GALNT13: variants seen among roughly 807,000 people sequenced by gnomAD.
GALNT13 encodes polypeptide N-acetylgalactosaminyltransferase 13, also known as UDP-GalNAc:polypeptide N-acetylgalactosaminyltransferase 13.
Under a neutral mutation model 64.2 loss-of-function variants are expected in GALNT13, and 28 were observed. The observed-to-expected ratio is 0.44, with a 90% CI of 0.32 to 0.60. The LOEUF (loss-of-function observed/expected upper bound fraction) is 0.60. Ranked by LOEUF, GALNT13 falls within the 20% of genes least tolerant of loss-of-function variation. The probability of loss-of-function intolerance (pLI) is 0.05; values close to 1 mark genes in which losing one functional copy is unlikely to be tolerated. For synonymous variants in GALNT13, 214 were observed against 224.6 expected (o/e 0.95, Z 0.42); for missense variants, 577 against 669.8 (o/e 0.86, Z 1.53).
chr2:153,176,234 C>G, the GALNT13 span, among the ~76,000 whole-genome samples: 1 of 152,170 alleles, frequency 6.6e-6, no homozygotes, highest in African/African-American at 2.4e-5. Flanking sequence ...AGCCCCAACA[C>G]AGCTAAATTG....
chr2:153,766,337 A>G, the GALNT13 span, among the ~76,000 whole-genome samples: 1 of 151,900 alleles, frequency 6.6e-6, no homozygotes, highest in African/African-American at 2.4e-5. Context: ...GTCCCATGGC[A>G]ATCTCTTCTT....
the GALNT13 span, among the ~76,000 whole-genome samples, chr2:153,722,382 A>G: frequency 7.2e-6 from 1 of 138,932 alleles, no homozygotes; most frequent in Non-Finnish European, 1.5e-5. Context: ...ACACCCTAAC[A>G]TCACAATTAA....
chr2:153,903,703 A>G (rs1372483721), intron 2 of GALNT13, among the ~76,000 whole-genome samples: 1 of 142,968 alleles, frequency 7.0e-6, no homozygotes, highest in African/African-American at 2.4e-5. Flanking sequence ...AATAAAAGTT[A>G]TGTTTATTAA....
chr2:153,735,176 C>G, the GALNT13 span, among the ~76,000 whole-genome samples: 1 of 152,024 alleles, frequency 6.6e-6, no homozygotes, highest in African/African-American at 2.4e-5. Flanking sequence ...TGGGCATGCT[C>G]TACCTGATTT....
chr2:153,154,846 T>G, the GALNT13 span, among the ~76,000 whole-genome samples: 1 of 152,210 alleles, frequency 6.6e-6, no homozygotes, highest in African/African-American at 2.4e-5. Context: ...CCATTCAGTA[T>G]GATGTTGGTT....
At chr2:153,472,056 C>T in the GALNT13 span, among the ~76,000 whole-genome samples, 2 of 152,142 alleles carry the variant, frequency 1.3e-5, no homozygotes, top group Admixed American at 1.3e-4. Context: ...ATATGAACTA[C>T]ATGATCCTGC....
chr2:153,772,636 G>A, the GALNT13 span, among the ~76,000 whole-genome samples: 1 of 152,296 alleles, frequency 6.6e-6, no homozygotes, highest in African/African-American at 2.4e-5. Flanking sequence ...CATGCTAAAA[G>A]CCTCTAGTAC....
At chr2:153,377,940 G>C in the GALNT13 span, among the ~76,000 whole-genome samples, 1 of 152,148 alleles carries the variant, frequency 6.6e-6, no homozygotes, top group East Asian at 1.9e-4. Context: ...TTCAATACTA[G>C]ATTGGACTGT....
chr2:153,150,994 A>G, the GALNT13 span, among the ~76,000 whole-genome samples: 1 of 151,944 alleles, frequency 6.6e-6, no homozygotes, highest in Non-Finnish European at 1.5e-5. Context: ...GTTTTTTCCA[A>G]TTCTGTGAAG....
chr2:153,831,881 C>G, the GALNT13 span, among the ~76,000 whole-genome samples: 1 of 152,054 alleles, frequency 6.6e-6, no homozygotes, highest in Admixed American at 6.5e-5. Context: ...AGTTCTTGTT[C>G]TATACTCGTG....
the GALNT13 span, among the ~76,000 whole-genome samples, chr2:153,144,474 G>A: frequency 2.6e-5 from 4 of 151,880 alleles, no homozygotes; most frequent in African/African-American, 4.8e-5. Flanking sequence ...TTGTCATTAG[G>A]TAAGTGGCTC....
chr2:153,385,921 G>T, the GALNT13 span, among the ~76,000 whole-genome samples: 2 of 151,832 alleles, frequency 1.3e-5, no homozygotes, highest in Non-Finnish European at 1.5e-5. Context: ...TAGGTAAATT[G>T]TATCCTGTCA....
At chr2:154,346,621 TTG>T (rs1696084663) in intron 9 of GALNT13, among the ~76,000 whole-genome samples, 1 of 152,164 alleles carries the variant, frequency 6.6e-6, no homozygotes, top group Non-Finnish European at 1.5e-5. Context: ...TCTGCCATGA[TTG>T]TGAGTCCTCC....
At chr2:154,326,627 G>A (rs1220027449) in intron 9 of GALNT13, among the ~76,000 whole-genome samples, 1 of 151,788 alleles carries the variant, frequency 6.6e-6, no homozygotes. Flanking sequence ...CCGTTCCTTT[G>A]GAAAAAAATG....
At chr2:154,442,966 T>G (rs1300080545) in intron 12 of GALNT13, among the ~76,000 whole-genome samples, 1 of 152,098 alleles carries the variant, frequency 6.6e-6, no homozygotes, top group African/African-American at 2.4e-5. Flanking sequence ...TATAAGGAAT[T>G]TTTTTCCATA....
the GALNT13 span, among the ~76,000 whole-genome samples, chr2:153,809,621 T>G: frequency 6.6e-6 from 1 of 152,216 alleles, no homozygotes; most frequent in African/African-American, 2.4e-5. Flanking sequence ...GAAATGTGAT[T>G]GGTTAGGTCC....
the GALNT13 span, among the ~76,000 whole-genome samples, chr2:153,825,190 G>A: frequency 1.3e-5 from 2 of 152,208 alleles, no homozygotes; most frequent in Non-Finnish European, 2.9e-5. Context: ...ACTCACATCA[G>A]TGGGTTGAAG....
the GALNT13 span, among the ~76,000 whole-genome samples, chr2:153,671,774 A>T: frequency 6.6e-6 from 1 of 152,182 alleles, no homozygotes; most frequent in East Asian, 1.9e-4. Context: ...ATAAAGAGTC[A>T]AGACCCGTTG....
chr2:153,238,850 T>C, the GALNT13 span, among the ~76,000 whole-genome samples: 6 of 152,282 alleles, frequency 3.9e-5, no homozygotes, highest in East Asian at 1.2e-3. Context: ...TATATAAATG[T>C]TAAGATTGCT....
Sources: gnomAD v4.1 joint callset for allele counts (sites outside exome capture counted in the v4.1 genomes callset) on GRCh38, gnomAD v4.1.1 for gene constraint, MANE v1.5 for transcripts, NCBI Gene and HGNC (gene_info 2026-07-23, HGNC 2026-07-21) for gene names.